Variants in CCDC175 observed in about 807,000 individuals in gnomAD.
The protein encoded by CCDC175 is coiled-coil domain containing 175, also known as coiled-coil domain-containing protein 175.
Under a neutral mutation model 114.6 loss-of-function variants are expected in CCDC175, and 100 were observed. That is an observed-to-expected ratio of 0.87 (90% CI 0.74 to 1.03). CCDC175 has a LOEUF of 1.03. CCDC175 is among the 50% of genes least tolerant of loss of function. The pLI, the probability that CCDC175 is intolerant of heterozygous loss-of-function variation, is 0.00. For missense variants in CCDC175, 880 were observed against 917.8 expected, an observed-to-expected ratio of 0.96 and a Z score of 0.53; for synonymous variants, 306 against 308.7, an observed-to-expected ratio of 0.99 and a Z score of 0.09.
At position 59,565,061 on chromosome 14, in the gene CCDC175, CTTG is replaced by C. The variant is rs1177802762; in HGVS notation, c.703_705del (p.Gln235del). ...ATGCCACTTACCTGTGCAGTCAACT[CTTG>C]TTTTCTTATTAGATATTCTGCCCTT... On this transcript the variant is annotated inframe_deletion, in exon 5 of 20. Coordinates refer to ENST00000537690, the MANE Select transcript of CCDC175 (RefSeq NM_001164399.2). The C allele has an allele frequency of 3.3e-6, 5 of 1,533,622 alleles. No individual in the cohort carries two copies. The Admixed American group carries it at 9.9e-5, about 30-fold the overall frequency.
At chr14:59,548,289 G>C (rs1895237722) in intron 8 of CCDC175, among the ~76,000 whole-genome samples, 1 of 152,130 alleles carries the variant, frequency 6.6e-6, no homozygotes, top group African/African-American at 2.4e-5. Context: ...GGTTGCCAAG[G>C]GCTGGTGAGG....
intron 3 of CCDC175, among the ~76,000 whole-genome samples, chr14:59,569,262 G>A (rs1262512126): frequency 2.0e-5 from 3 of 152,288 alleles, no homozygotes; most frequent in African/African-American, 7.2e-5. Context: ...TAAATTGCTT[G>A]TTGCAGCAGG....
At chr14:59,540,058 A>C (rs1894676099) in intron 11 of CCDC175, among the ~76,000 whole-genome samples, 1 of 152,116 alleles carries the variant, frequency 6.6e-6, no homozygotes, top group African/African-American at 2.4e-5. Context: ...GCGACAGAGC[A>C]AGACTCTGTC....
intron 3 of CCDC175, among the ~76,000 whole-genome samples, chr14:59,571,299 A>C (rs893467160): frequency 6.6e-6 from 1 of 152,240 alleles, no homozygotes; most frequent in African/African-American, 2.4e-5. Context: ...TGTGCTTCAA[A>C]TGTCACTATC....
chr14:59,564,302 A>G (rs9323351), intron 5 of CCDC175: 13,677 of 152,924 alleles, frequency 0.089, 730 homozygotes, highest in South Asian at 0.14. Context: ...AGCTAAACAC[A>G]GAGTAAACAA....
chr14:59,551,089 C>A, intron 8 of CCDC175: 1 of 244,696 alleles, frequency 4.1e-6, no homozygotes, highest in Non-Finnish European at 7.7e-6. Flanking sequence ...TCCATTAATC[C>A]ATTAATCATG....
chr14:59,533,987 T>TAAAAAAAA (rs3084296), intron 13 of CCDC175, among the ~76,000 whole-genome samples: 12 of 133,604 alleles, frequency 9.0e-5, no homozygotes, highest in African/African-American at 1.7e-4. Flanking sequence ...AGACCCCTTT[T>TAAAAAAAA]AAAAAAAAAA....
In CCDC175 at chr14:59,572,828, T is replaced by A; in HGVS notation, c.244-15A>T. 6.9e-7 allele frequency: 1 copy of A among 1,458,092 alleles called. No individual in the cohort carries two copies. The highest frequency in any genetic ancestry group is 9.1e-7 in the Non-Finnish European group (1 of 1,100,924). The allele number at this position is 1,458,092 out of a possible 1,614,324, so 90.3% of individuals were successfully genotyped here. ...CTCATTTCTTCCTGAAAATTTAAAT[T>A]ACATTTTTAAAAAGTTAAGACACTA... On this transcript the variant is annotated splice_polypyrimidine_tract_variant and intron_variant, in intron 2 of 19. Coordinates refer to ENST00000537690, the MANE Select transcript of CCDC175 (RefSeq NM_001164399.2).
chr14:59,571,393 A>G (rs908034825), intron 3 of CCDC175, among the ~76,000 whole-genome samples: 2 of 152,238 alleles, frequency 1.3e-5, no homozygotes, highest in African/African-American at 4.8e-5. Flanking sequence ...CAGAATACAT[A>G]AAGAACTCCT....
At chr14:59,527,304 A>G in intron 14 of CCDC175, 130 bp from the exon 15 acceptor site, 1 of 520,556 alleles carries the variant, frequency 1.9e-6, no homozygotes, top group Non-Finnish European at 3.3e-6. Context: ...CAGGCACTCC[A>G]CAATGCTATG....
At chr14:59,513,080 C>A (rs1386395483) in intron 17 of CCDC175, among the ~76,000 whole-genome samples, 1 of 152,050 alleles carries the variant, frequency 6.6e-6, no homozygotes, top group East Asian at 1.9e-4. Context: ...ATGGCAAAAG[C>A]ATAGTCTTTT....
At chr14:59,539,075 C>T (rs1417325636) in intron 11 of CCDC175, among the ~76,000 whole-genome samples, 3 of 152,162 alleles carry the variant, frequency 2.0e-5, no homozygotes, top group Non-Finnish European at 4.4e-5. Flanking sequence ...AATAGAACAG[C>T]GAACAAAGCA....
At chr14:59,563,687 T>A in intron 6 of CCDC175, 50 bp downstream of exon 6, 1 of 1,160,182 alleles carries the variant, frequency 8.6e-7, no homozygotes, top group Non-Finnish European at 1.1e-6. Context: ...CCTTTTTTAT[T>A]GAGGTGCCTA....
chr14:59,529,912 T>C (rs761121207), intron 14 of CCDC175, among the ~76,000 whole-genome samples: 20 of 152,232 alleles, frequency 1.3e-4, no homozygotes, highest in Middle Eastern at 3.2e-3. Context: ...ACTTCTTTTC[T>C]CCTGTCTTCC....
chr14:59,565,508 T>C (rs878870357), intron 4 of CCDC175, among the ~76,000 whole-genome samples: 5 of 152,042 alleles, frequency 3.3e-5, no homozygotes, highest in Non-Finnish European at 7.4e-5. Flanking sequence ...GGAGTTAGAT[T>C]GCAGCCTGGC....
At chr14:59,526,312 G>C (rs147855147) in intron 15 of CCDC175, among the ~76,000 whole-genome samples, 1 of 151,754 alleles carries the variant, frequency 6.6e-6, no homozygotes, top group Non-Finnish European at 1.5e-5. Flanking sequence ...CGTATTAAAA[G>C]TTACATTTTG....
chr14:59,509,326 G>C (rs569230921), intron 19 of CCDC175, among the ~76,000 whole-genome samples: 8 of 152,090 alleles, frequency 5.3e-5, no homozygotes, highest in African/African-American at 1.9e-4. Context: ...TTATGCATTC[G>C]TACATCATAA....
chr14:59,521,479 C>T, intron 17 of CCDC175, 95 bp downstream of exon 17: 1 of 676,452 alleles, frequency 1.5e-6, no homozygotes, highest in Admixed American at 2.8e-5. Context: ...TGAGTCAGTT[C>T]TCCTTAATAA....
intron 14 of CCDC175, among the ~76,000 whole-genome samples, chr14:59,528,043 G>GA (rs1360018802): frequency 1.3e-5 from 2 of 151,874 alleles, no homozygotes; most frequent in Non-Finnish European, 2.9e-5. Flanking sequence ...ACATCTTCAG[G>GA]AAAAAGAGTA....
Sources: allele counts gnomAD v4.1 joint callset (sites outside exome capture counted in the v4.1 genomes callset), GRCh38; gene constraint gnomAD v4.1.1; transcripts MANE v1.5; gene names NCBI Gene and HGNC (gene_info 2026-07-23, HGNC 2026-07-21).